Variants in PDE1A observed in about 807,000 individuals in gnomAD.
PDE1A encodes the protein phosphodiesterase 1A.
Under a neutral mutation model 61.7 loss-of-function variants are expected in PDE1A, and 35 were observed. That is an observed-to-expected ratio of 0.57 (90% CI 0.43 to 0.75). The LOEUF (loss-of-function observed/expected upper bound fraction) is 0.75. Among genes scored for constraint, PDE1A ranks in the 30% least tolerant of loss-of-function variants. PDE1A has a pLI of 0.00. For synonymous variants in PDE1A, 232 were observed against 213.2 expected, an observed-to-expected ratio of 1.09 and a Z score of -0.77; for missense variants, 597 against 630.6, an observed-to-expected ratio of 0.95 and a Z score of 0.57.
chr2:182,545,857 A>G, the PDE1A span, among the ~76,000 whole-genome samples: 1 of 152,164 alleles, frequency 6.6e-6, no homozygotes, highest in Non-Finnish European at 1.5e-5. Context: ...TCCAAAATCT[A>G]TTTATGCCAG....
At chr2:182,147,225 C>G in intron 13 of PDE1A, 73 bp from the exon 14 acceptor site, 1 of 774,064 alleles carries the variant, frequency 1.3e-6, no homozygotes, top group Non-Finnish European at 2.1e-6. Context: ...GGTTAGGAGA[C>G]TGAAGAACTT....
intron 13 of PDE1A, among the ~76,000 whole-genome samples, chr2:182,176,420 C>T (rs1692792736): frequency 2.0e-5 from 3 of 146,800 alleles, no homozygotes; most frequent in Admixed American, 2.0e-4. Context: ...AAGTTGGATT[C>T]CTAGGTATTT....
intron 1 of PDE1A, among the ~76,000 whole-genome samples, chr2:182,299,124 C>G (rs1202973943): frequency 6.6e-6 from 1 of 151,920 alleles, no homozygotes; most frequent in African/African-American, 2.4e-5. Context: ...TCTCTGTACA[C>G]TGGGGAAAAA....
the PDE1A span, among the ~76,000 whole-genome samples, chr2:182,690,687 G>A: frequency 4.6e-5 from 7 of 152,042 alleles, no homozygotes; most frequent in Non-Finnish European, 7.4e-5. Context: ...CAGGGCAATC[G>A]GGCAAGAGAA....
At chr2:182,592,271 TG>T in the PDE1A span, among the ~76,000 whole-genome samples, 3 of 152,228 alleles carry the variant, frequency 2.0e-5, no homozygotes, top group Non-Finnish European at 2.9e-5. Flanking sequence ...ACAACTGAGA[TG>T]TAGCATGCTC....
rs11405472 is a variant in PDE1A, at chr2:182,352,653, G to GTT, written c.53+73923_53+73924dup. 8.8e-4 allele frequency among the ~76,000 whole-genome samples: 128 copies of GTT among 145,208 alleles called. 1 individual carries two copies. Among genetic ancestry groups the GTT allele is most frequent in the East Asian group, 3.4e-3 (17 of 5,018 alleles). Reference sequence around the variant, plus strand: ...ACTGGAAAGTGATGCTCACTCTGTTGTTTTTTTTTTTTCAGTTAATTTTCC... The same window carrying GTT: ...ACTGGAAAGTGATGCTCACTCTGTTGTTTTTTTTTTTTTTCAGTTAATTTTCC... On this transcript the variant is annotated intron_variant, in intron 1 of 13. Transcript: ENST00000351439.
chr2:182,366,469 C>A, intron 1 of PDE1A, among the ~76,000 whole-genome samples: 1 of 152,024 alleles, frequency 6.6e-6, no homozygotes, highest in Admixed American at 6.6e-5. Context: ...CTTAAACACC[C>A]TAAACTAACC....
chr2:182,255,557 G>T (rs1300858186), intron 2 of PDE1A, among the ~76,000 whole-genome samples: 1 of 152,042 alleles, frequency 6.6e-6, no homozygotes, highest in African/African-American at 2.4e-5. Context: ...TGAGTCTTTC[G>T]GATTTTACAA....
intron 2 of PDE1A, among the ~76,000 whole-genome samples, chr2:182,508,728 C>CT (rs569861354): frequency 9.4e-4 from 114 of 121,530 alleles, no homozygotes; most frequent in South Asian, 2.1e-3. Flanking sequence ...TTGTAAATTT[C>CT]TTTTTTTTTT....
the PDE1A span, among the ~76,000 whole-genome samples, chr2:182,680,183 T>C: frequency 1.3e-5 from 2 of 151,818 alleles, no homozygotes; most frequent in African/African-American, 2.4e-5. Flanking sequence ...ACAGGGCATA[T>C]AGGGGTCAAC....
chr2:182,473,832 T>C (rs932581634), intron 2 of PDE1A, among the ~76,000 whole-genome samples: 1 of 152,044 alleles, frequency 6.6e-6, no homozygotes, highest in African/African-American at 2.4e-5. Flanking sequence ...TTCTTTTTCA[T>C]GGGTGTATAA....
intron 1 of PDE1A, among the ~76,000 whole-genome samples, chr2:182,355,775 A>G (rs978520340): frequency 6.6e-6 from 1 of 152,160 alleles, no homozygotes; most frequent in Non-Finnish European, 1.5e-5. Flanking sequence ...ATTCCAGTTT[A>G]GTTCCTTCAA....
intron 1 of PDE1A, among the ~76,000 whole-genome samples, chr2:182,408,716 C>T (rs1702444856): frequency 6.6e-6 from 1 of 152,222 alleles, no homozygotes; most frequent in Non-Finnish European, 1.5e-5. Context: ...CTCTCTCTAT[C>T]ACTACCCAGT....
the PDE1A span, among the ~76,000 whole-genome samples, chr2:182,534,048 G>C: frequency 2.0e-5 from 3 of 151,810 alleles, no homozygotes; most frequent in Non-Finnish European, 4.4e-5. Context: ...AAAATGCAAA[G>C]TAAAAAAATG....
At chr2:182,599,053 C>A in the PDE1A span, among the ~76,000 whole-genome samples, 5 of 152,294 alleles carry the variant, frequency 3.3e-5, no homozygotes, top group East Asian at 5.8e-4. Context: ...GAGAGCTCTG[C>A]CCCTTCTGAG....
At chr2:182,378,652 T>C (rs1700556026) in intron 1 of PDE1A, among the ~76,000 whole-genome samples, 1 of 152,222 alleles carries the variant, frequency 6.6e-6, no homozygotes, top group Non-Finnish European at 1.5e-5. Context: ...TGCATGTTAC[T>C]GTCTTAAAGC....
At chr2:182,457,415 C>T (rs1179522966) in intron 2 of PDE1A, among the ~76,000 whole-genome samples, 1 of 151,686 alleles carries the variant, frequency 6.6e-6, no homozygotes, top group Non-Finnish European at 1.5e-5. Flanking sequence ...CAGCCATCTG[C>T]CTGTAAACAA....
intron 1 of PDE1A, among the ~76,000 whole-genome samples, chr2:182,408,634 A>G (rs1702439745): frequency 6.6e-6 from 1 of 152,186 alleles, no homozygotes; most frequent in Non-Finnish European, 1.5e-5. Flanking sequence ...GTGTTAAATT[A>G]GCGTGCAGTG....
intron 7 of PDE1A, among the ~76,000 whole-genome samples, chr2:182,222,029 T>C (rs1332452505): frequency 2.0e-5 from 3 of 151,870 alleles, no homozygotes; most frequent in African/African-American, 7.2e-5. Flanking sequence ...ATCTGGAAAA[T>C]CAGTTGTTAA....
Sources: gnomAD v4.1 joint callset for allele counts (sites outside exome capture counted in the v4.1 genomes callset) on GRCh38, gnomAD v4.1.1 for gene constraint, MANE v1.5 for transcripts, NCBI Gene and HGNC (gene_info 2026-07-23, HGNC 2026-07-21) for gene names.